The following FAM13C variants were observed in gnomAD, a reference collection of about 807,000 sequenced individuals.
FAM13C encodes protein FAM13C.
Under a neutral mutation model 73.2 loss-of-function variants are expected in FAM13C, and 37 were observed. The observed-to-expected ratio is 0.51, with a 90% confidence interval of 0.39 to 0.67. The LOEUF is 0.67. FAM13C is among the 30% of genes least tolerant of loss of function. The probability of loss-of-function intolerance (pLI) is 0.00; values close to 1 mark genes in which losing one functional copy is unlikely to be tolerated. For synonymous variants in FAM13C, 246 were observed against 260.9 expected, an observed-to-expected ratio of 0.94 and a Z score of 0.55; for missense variants, 589 against 715.6, an observed-to-expected ratio of 0.82 and a Z score of 2.02.
intron 5 of FAM13C, among the ~76,000 whole-genome samples, chr10:59,286,760 G>A (rs542992304): frequency 2.0e-5 from 3 of 151,670 alleles, no homozygotes; most frequent in African/African-American, 2.4e-5. Flanking sequence ...GTGGCAGGGT[G>A]CAGTGGCTCA....
chr10:59,292,010 T>A (rs112136094), intron 5 of FAM13C, among the ~76,000 whole-genome samples: 25 of 152,130 alleles, frequency 1.6e-4, no homozygotes, highest in East Asian at 9.7e-4. Context: ...GGATGGTCTC[T>A]ATCTCCTGAC....
At chr10:59,311,199 CA>C (rs1848879393) in intron 4 of FAM13C, among the ~76,000 whole-genome samples, 1 of 152,204 alleles carries the variant, frequency 6.6e-6, no homozygotes, top group Non-Finnish European at 1.5e-5. Flanking sequence ...AAGACCACAG[CA>C]ATGCCCAGAG....
chr10:59,313,903 C>T (rs990137142), intron 4 of FAM13C, among the ~76,000 whole-genome samples: 1 of 152,086 alleles, frequency 6.6e-6, no homozygotes, highest in Non-Finnish European at 1.5e-5. Flanking sequence ...AATCAATAAG[C>T]AGAAACTTTA....
At chr10:59,279,754 T>C (rs933821569) in intron 6 of FAM13C, among the ~76,000 whole-genome samples, 1 of 152,238 alleles carries the variant, frequency 6.6e-6, no homozygotes, top group Non-Finnish European at 1.5e-5. Context: ...TAAGAAGATA[T>C]TGATAGAGTT....
intron 9 of FAM13C, among the ~76,000 whole-genome samples, 173 bp from the exon 10 acceptor site, chr10:59,262,818 C>T (rs1842647254): frequency 1.3e-5 from 2 of 152,106 alleles, no homozygotes; most frequent in South Asian, 4.1e-4. Flanking sequence ...CATAAGCTCC[C>T]AATCGGGTGT....
At position 59,362,543 on chromosome 10, in the gene FAM13C, A is replaced by G. The variant is rs1339420767; in HGVS notation, c.-83T>C. The G allele has an allele frequency of 6.4e-7, 1 of 1,569,868 alleles. No homozygotes were observed. Among genetic ancestry groups the G allele is most frequent in the Non-Finnish European group, 8.6e-7 (1 of 1,156,820 alleles). ...TACACAAACATGGCATTGCAAGGCA[A>G]GTCTCCGGGCTCGCCCGGCACGCTC... On this transcript the variant is annotated 5_prime_UTR_variant, in exon 1 of 14. Coordinates refer to ENST00000618804, the MANE Select transcript of FAM13C (RefSeq NM_198215.4).
At chr10:59,344,912 T>C (rs774281478) in intron 3 of FAM13C, among the ~76,000 whole-genome samples, 16 of 151,072 alleles carry the variant, frequency 1.1e-4, no homozygotes, top group Non-Finnish European at 1.9e-4. Flanking sequence ...CAGGTACCAA[T>C]AGGACAAAGG....
intron 13 of FAM13C, chr10:59,251,030 T>C (rs1841321256): frequency 6.5e-6 from 1 of 153,562 alleles, no homozygotes; most frequent in African/African-American, 2.4e-5. Flanking sequence ...TAATGAGACT[T>C]GGGTTGACAC....
chr10:59,335,837 CACAT>C (rs1272009285), intron 3 of FAM13C, among the ~76,000 whole-genome samples: 1 of 152,222 alleles, frequency 6.6e-6, no homozygotes, highest in African/African-American at 2.4e-5. Context: ...TCCGTAATCT[CACAT>C]ACAGAGACTC....
At chr10:59,348,122 C>T (rs937084171) in intron 3 of FAM13C, among the ~76,000 whole-genome samples, 11 of 152,190 alleles carry the variant, frequency 7.2e-5, no homozygotes, top group Admixed American at 2.0e-4. Context: ...GGCAGTAGCG[C>T]AATATCTATG....
chr10:59,339,061 T>C (rs1853142105), intron 3 of FAM13C, among the ~76,000 whole-genome samples: 1 of 152,142 alleles, frequency 6.6e-6, no homozygotes, highest in Admixed American at 6.5e-5. Context: ...CTGGCACTCC[T>C]TGGCTTCTGG....
At position 59,247,871 on chromosome 10, in the gene FAM13C, C is replaced by T. The variant is rs987680510; in HGVS notation, c.1635-134G>A. ...TTTTGCATCATGTCTTCTTTTCCTT[C>T]CCTTTCACCTTCATTCACTCCTTCT... On this transcript the variant is annotated intron_variant, in intron 13 of 13. Transcript: ENST00000618804. 1.7e-5 allele frequency: 13 copies of T among 751,552 alleles called. No homozygotes were observed. The African/African-American group carries it at 1.8e-4, about 10-fold the overall frequency. 46.6% of individuals were successfully genotyped at this position (751,552 alleles called of 1,614,324 possible).
chr10:59,252,626 A>G (rs1176848525), intron 12 of FAM13C, among the ~76,000 whole-genome samples, 173 bp downstream of exon 12: 1 of 152,156 alleles, frequency 6.6e-6, no homozygotes, highest in African/African-American at 2.4e-5. Flanking sequence ...TACCAAGTGG[A>G]TTTCTAGTGG....
intron 1 of FAM13C, among the ~76,000 whole-genome samples, chr10:59,360,696 C>T (rs1856282288): frequency 6.6e-6 from 1 of 151,864 alleles, no homozygotes; most frequent in South Asian, 2.1e-4. Context: ...TTATATTAGC[C>T]AAATGGCATA....
At chr10:59,340,294 G>C (rs77174034) in intron 3 of FAM13C, among the ~76,000 whole-genome samples, 1,812 of 152,218 alleles carry the variant, frequency 0.012, 25 homozygotes, top group African/African-American at 0.033. Flanking sequence ...CCATTGCCCA[G>C]AGATTATAAT....
At chr10:59,276,271 T>A (rs117102187) in intron 6 of FAM13C, among the ~76,000 whole-genome samples, 2,099 of 152,254 alleles carry the variant, frequency 0.014, 37 homozygotes, top group South Asian at 0.048. Context: ...TCATTTCCAA[T>A]CCCTGGAAGT....
At chr10:59,323,650 A>G (rs1286456616) in intron 4 of FAM13C, among the ~76,000 whole-genome samples, 1 of 152,172 alleles carries the variant, frequency 6.6e-6, no homozygotes, top group Non-Finnish European at 1.5e-5. Context: ...CAAATTTATC[A>G]CTATCACAAA....
chr10:59,266,969 A>G (rs1313227358), intron 8 of FAM13C, among the ~76,000 whole-genome samples: 2 of 152,212 alleles, frequency 1.3e-5, no homozygotes, highest in Non-Finnish European at 2.9e-5. Flanking sequence ...AGCATTATGT[A>G]TGTACTTCCT....
At chr10:59,360,853 GAAA>G (rs10615623) in intron 1 of FAM13C, among the ~76,000 whole-genome samples, 1,135 of 57,862 alleles carry the variant, frequency 0.02, 12 homozygotes, top group African/African-American at 0.054. Flanking sequence ...AACCTCTACA[GAAA>G]AAAAAAAAAA....
Sources: allele counts gnomAD v4.1 joint callset (sites outside exome capture counted in the v4.1 genomes callset), GRCh38; gene constraint gnomAD v4.1.1; transcripts MANE v1.5; gene names NCBI Gene and HGNC (gene_info 2026-07-23, HGNC 2026-07-21).